The following COL26A1 variants were observed in gnomAD, a reference collection of about 807,000 sequenced individuals.
COL26A1 encodes the protein collagen alpha-1(XXVI) chain.
COL26A1 carries 41 observed loss-of-function variants against 59.3 expected under a neutral mutation model. The observed-to-expected ratio is 0.69, with a 90% confidence interval of 0.54 to 0.90. COL26A1 has a LOEUF of 0.90. COL26A1 is among the 40% of genes least tolerant of loss of function. The probability of loss-of-function intolerance (pLI) is 0.00; values close to 1 mark genes in which losing one functional copy is unlikely to be tolerated. For synonymous variants in COL26A1, 266 were observed against 256.0 expected (o/e 1.04, Z -0.37); for missense variants, 612 against 602.3 (o/e 1.02, Z -0.17).
chr7:101,437,741 A>ATT (rs1301445389), intron 2 of COL26A1, among the ~76,000 whole-genome samples: 20,928 of 139,186 alleles, frequency 0.15, 2,615 homozygotes, highest in African/African-American at 0.36. Context: ...CACCCCACTA[A>ATT]TTTTTTTTTT....
In COL26A1 at chr7:101,483,990, A is replaced by AGTGTGTGTGTGTGTGTGT. The variant is rs55863250; in HGVS notation, c.385+36230_385+36247dup. ...CACCTGGCCCCAGCTAACTTTTTAA[A>AGTGTGTGTGTGTGTGTGT]GTGTGTGTGTGTGTGTGTGTGTGTG... On this transcript the variant is annotated intron_variant, in intron 3 of 12. Coordinates refer to ENST00000313669, the MANE Select transcript of COL26A1 (RefSeq NM_001278563.3). 3.0e-3 allele frequency among the ~76,000 whole-genome samples: 383 copies of AGTGTGTGTGTGTGTGTGT among 127,990 alleles called. 7 individuals are homozygous for AGTGTGTGTGTGTGTGTGT. The highest frequency in any genetic ancestry group is 7.7e-3 in the African/African-American group (259 of 33,514). 84.0% of individuals were successfully genotyped at this position (127,990 alleles called of 152,430 possible). A position where few individuals can be genotyped will look rare whatever the true frequency, so the allele number is the denominator to read the frequency against.
At chr7:101,518,199 TGGG>T (rs1169471553) in intron 3 of COL26A1, among the ~76,000 whole-genome samples, 1 of 152,208 alleles carries the variant, frequency 6.6e-6, no homozygotes, top group Non-Finnish European at 1.5e-5. Flanking sequence ...GCTGTATTTT[TGGG>T]AATTTGTCTG....
chr7:101,434,679 C>T (rs1202060001), intron 2 of COL26A1, among the ~76,000 whole-genome samples: 2 of 152,026 alleles, frequency 1.3e-5, no homozygotes, highest in Admixed American at 1.3e-4. Context: ...GGACAGGGTG[C>T]GAGGCAGGGT....
At chr7:101,410,607 C>T (rs752290901) in intron 1 of COL26A1, among the ~76,000 whole-genome samples, 13 of 152,194 alleles carry the variant, frequency 8.5e-5, no homozygotes, top group South Asian at 4.1e-4. Flanking sequence ...TGAGTTCTCC[C>T]GGGTTCAAGA....
chr7:101,557,579 G>A lies in COL26A1; in HGVS notation c.*49G>A. ...TGTCCTGGCTAGAGACCCAGCCCCA[G>A]AGGCCTGAGCCGCCGCTGTTTCCTA... On this transcript the variant is annotated 3_prime_UTR_variant, in exon 13 of 13. Transcript: ENST00000313669. The A allele has an allele frequency of 1.3e-6, 2 of 1,548,172 alleles. No homozygotes were observed. The highest frequency in any genetic ancestry group is 1.8e-6 in the Non-Finnish European group (2 of 1,142,536).
At chr7:101,423,955 G>C (rs1427856591) in intron 2 of COL26A1, among the ~76,000 whole-genome samples, 1 of 152,014 alleles carries the variant, frequency 6.6e-6, no homozygotes, top group Non-Finnish European at 1.5e-5. Flanking sequence ...TGTAGTCCCA[G>C]TTACATAGGA....
At chr7:101,451,018 G>T (rs1021248109) in intron 3 of COL26A1, among the ~76,000 whole-genome samples, 1 of 142,584 alleles carries the variant, frequency 7.0e-6, no homozygotes, top group African/African-American at 2.5e-5. Context: ...TTGAATAATT[G>T]TTGATATATA....
intron 4 of COL26A1, among the ~76,000 whole-genome samples, chr7:101,538,240 C>T (rs1051772582): frequency 2.0e-5 from 3 of 152,172 alleles, no homozygotes; most frequent in Non-Finnish European, 2.9e-5. Context: ...GGGCAGGAAT[C>T]GGAACCCTTC....
At chr7:101,432,328 A>G (rs1678082348) in intron 2 of COL26A1, among the ~76,000 whole-genome samples, 1 of 152,106 alleles carries the variant, frequency 6.6e-6, no homozygotes, top group African/African-American at 2.4e-5. Flanking sequence ...GCATGAGATG[A>G]TGGTGGCTCA....
intron 3 of COL26A1, among the ~76,000 whole-genome samples, chr7:101,489,786 CTT>C (rs1210868330): frequency 0.01 from 23 of 2,234 alleles, 2 homozygotes; most frequent in East Asian, 0.015. Flanking sequence ...TTCTTTCTTT[CTT>C]TCTTTCTTTC....
chr7:101,481,947 C>T (rs1227135305), intron 3 of COL26A1, among the ~76,000 whole-genome samples: 3 of 151,864 alleles, frequency 2.0e-5, no homozygotes, highest in Non-Finnish European at 4.4e-5. Flanking sequence ...ACAATCTAAC[C>T]ATGTGGTAAG....
At chr7:101,407,464 C>T (rs190665171) in intron 1 of COL26A1, among the ~76,000 whole-genome samples, 2 of 151,962 alleles carry the variant, frequency 1.3e-5, no homozygotes, top group East Asian at 1.9e-4. Context: ...TGGAAGCTCA[C>T]GGCTCTAACT....
chr7:101,388,290 T>C (rs940987747), intron 1 of COL26A1, among the ~76,000 whole-genome samples: 2 of 151,292 alleles, frequency 1.3e-5, no homozygotes, highest in Non-Finnish European at 2.9e-5. Flanking sequence ...CTGGCCAACA[T>C]GGTGAAACCC....
intron 2 of COL26A1, among the ~76,000 whole-genome samples, chr7:101,430,857 C>T (rs1247844655): frequency 2.0e-5 from 3 of 151,918 alleles, no homozygotes; most frequent in Admixed American, 6.6e-5. Flanking sequence ...TGCAGTGGTG[C>T]GATCTCAGCT....
At chr7:101,530,978 T>C (rs1014314915) in intron 3 of COL26A1, among the ~76,000 whole-genome samples, 6 of 152,020 alleles carry the variant, frequency 3.9e-5, no homozygotes, top group African/African-American at 1.4e-4. Context: ...GTTTTTTTGT[T>C]TTTTTGTTTT....
chr7:101,533,669 G>A (rs1795417263), intron 4 of COL26A1, among the ~76,000 whole-genome samples: 1 of 152,152 alleles, frequency 6.6e-6, no homozygotes, highest in Admixed American at 6.5e-5. Flanking sequence ...TGGGCAGGGA[G>A]AGAGGCCAAG....
chr7:101,421,651 GAAA>G (rs34559844), intron 2 of COL26A1, among the ~76,000 whole-genome samples: 1 of 142,412 alleles, frequency 7.0e-6, no homozygotes, highest in South Asian at 2.2e-4. Context: ...CTCCAGCCTG[GAAA>G]AAAAAAAAAA....
intron 2 of COL26A1, among the ~76,000 whole-genome samples, chr7:101,433,085 G>A (rs1792820235): frequency 6.6e-6 from 1 of 152,166 alleles, no homozygotes; most frequent in Admixed American, 6.5e-5. Flanking sequence ...CACTTCGGGA[G>A]GCTGAGATGG....
Position 101,363,162 on chromosome 7 carries a change from TC to T in COL26A1, c.134del (p.Pro45LeufsTer16). The stretch of plus-strand genomic sequence containing the variant: ...CGGCTACCCCGAGCCCGGCGCCGGC[TC>T]CCCTGGCAGCGGCTACGCGAGCCGC... ...QHGYPEPGAG[S>X]PGSGYASRRH... On this transcript the variant is annotated frameshift_variant, in exon 1 of 13. Coordinates refer to ENST00000313669, the MANE Select transcript of COL26A1 (RefSeq NM_001278563.3). LOFTEE classifies it high-confidence loss of function. The T allele has an allele frequency of 1.5e-6, 2 of 1,293,238 alleles. No individual in the cohort carries two copies. The highest frequency in any genetic ancestry group is 2.0e-6 in the Non-Finnish European group (2 of 1,006,666). The allele number at this position is 1,293,238 out of a possible 1,614,324, so 80.1% of individuals were successfully genotyped here. A position where few individuals can be genotyped will look rare whatever the true frequency, so the allele number is the denominator to read the frequency against.
Sources: gnomAD v4.1 joint callset for allele counts (sites outside exome capture counted in the v4.1 genomes callset) on GRCh38, gnomAD v4.1.1 for gene constraint, MANE v1.5 for transcripts, NCBI Gene and HGNC (gene_info 2026-07-23, HGNC 2026-07-21) for gene names.